Variants in DDX52 observed in about 807,000 individuals in gnomAD.
DDX52 encodes DExD-box helicase 52.
In DDX52, 59 loss-of-function variants were observed where a neutral mutation model predicts 76.1. The ratio of observed to expected loss-of-function variants is 0.78; its 90% CI spans 0.63 to 0.96. The LOEUF (loss-of-function observed/expected upper bound fraction) is 0.96. Among genes scored for constraint, DDX52 ranks in the 40% least tolerant of loss-of-function variants. The pLI, the probability that DDX52 is intolerant of heterozygous loss-of-function variation, is 0.00. For missense variants in DDX52, 707 were observed against 703.9 expected, an observed-to-expected ratio of 1.00 and a Z score of -0.05; for synonymous variants, 231 against 244.1, an observed-to-expected ratio of 0.95 and a Z score of 0.50.
At chr17:37,626,147 A>C in intron 7 of DDX52, 49 bp from the exon 8 acceptor site, 1 of 1,597,208 alleles carries the variant, frequency 6.3e-7, no homozygotes. Flanking sequence ...AAGATCCAAG[A>C]CACTTCACTA....
Position 37,613,611 on chromosome 17 carries a change from CA to C in DDX52, c.*684del, listed in dbSNP as rs1447738222. 2 of 152,252 alleles carry C rather than the reference CA, an allele frequency of 1.3e-5. No homozygotes were observed. The highest frequency in any genetic ancestry group is 4.8e-5 in the African/African-American group (2 of 41,432). 9.4% of individuals were successfully genotyped at this position (152,252 alleles called of 1,614,324 possible). A position where few individuals can be genotyped will look rare whatever the true frequency, so the allele number is the denominator to read the frequency against. On this transcript the variant is annotated 3_prime_UTR_variant, in exon 15 of 15. Coordinates refer to ENST00000617633, the MANE Select transcript of DDX52 (RefSeq NM_007010.5). ...CCCAGGGAACTGGAATAACCAGCCA[CA>C]AAAGAGGCCTCTCTTTGTTGTGGTT...
chr17:37,624,856 T>C (rs554638698), intron 8 of DDX52, among the ~76,000 whole-genome samples: 1 of 152,252 alleles, frequency 6.6e-6, no homozygotes, highest in South Asian at 2.1e-4. Context: ...ATTAATACTC[T>C]GTAAGATGTT....
chr17:37,615,526 CAAT>C (rs1364188607), intron 14 of DDX52, among the ~76,000 whole-genome samples: 2 of 151,778 alleles, frequency 1.3e-5, no homozygotes, highest in Non-Finnish European at 2.9e-5. Context: ...AAAAATAAAA[CAAT>C]ATTAGCCAGG....
intron 2 of DDX52, among the ~76,000 whole-genome samples, chr17:37,634,410 T>A (rs535333526): frequency 1.3e-5 from 2 of 151,842 alleles, no homozygotes; most frequent in African/African-American, 4.8e-5. Context: ...GGTGGGTGGA[T>A]CACCTGAGGT....
In DDX52 at chr17:37,614,346, C is replaced by A. The variant is rs202139121; in HGVS notation, c.1750G>T (p.Val584Phe). ...TTCTTCTTGCTGTTCTGACCAGTGACCTTTTTCCTGTAAAGAGCAAAGTAA... is the reference window on the plus strand; with the variant it reads ...TTCTTCTTGCTGTTCTGACCAGTGAACTTTTTCCTGTAAAGAGCAAAGTAA... ...LEKAKDKQKK[V>F]TGQNSKKKVA... The change falls in exon 15 of 15, where the codon GTC becomes TTC. Residue 584 changes from valine (V) to phenylalanine (F), a missense_variant. Coordinates refer to ENST00000617633, the MANE Select transcript of DDX52 (RefSeq NM_007010.5). 6.2e-7 allele frequency: 1 copy of A among 1,610,372 alleles called. No homozygotes were observed. The highest frequency in any genetic ancestry group is 1.3e-5 in the African/African-American group (1 of 74,826).
rs2029981426 is a variant in DDX52, at chr17:37,619,748, A to T, written c.1649+20T>A. 1 of 1,596,656 alleles carries T rather than the reference A, an allele frequency of 6.3e-7. No homozygotes were observed. Among genetic ancestry groups the T allele is most frequent in the African/African-American group, 1.4e-5 (1 of 73,608 alleles). The stretch of plus-strand genomic sequence containing the variant: ...TATACAAAGAGACAGACAAAGATAC[A>T]GGTAAATTCAAGATTGTACCTTAGT... On this transcript the variant is annotated intron_variant, in intron 13 of 14. Transcript: ENST00000617633.
rs1248887510 is a variant in DDX52, at chr17:37,611,759, A to G, written c.*2537T>C. 6.8e-6 allele frequency: 1 copy of G among 146,742 alleles called. No individual in the cohort carries two copies. The highest frequency in any genetic ancestry group is 2.0e-4 in the East Asian group (1 of 5,078). 9.1% of individuals were successfully genotyped at this position (146,742 alleles called of 1,614,324 possible). A position where few individuals can be genotyped will look rare whatever the true frequency, so the allele number is the denominator to read the frequency against. On this transcript the variant is annotated 3_prime_UTR_variant, in exon 15 of 15. Transcript: ENST00000617633. ...CAAAAAAAAAAAAAAAAAAAAATCT[A>G]AAAAACCCAACTGGACAACAAGCAA...
chr17:37,618,847 C>T (rs568734366), intron 13 of DDX52, among the ~76,000 whole-genome samples: 36 of 152,230 alleles, frequency 2.4e-4, no homozygotes, highest in Middle Eastern at 3.4e-3. Context: ...CTTTAATAAA[C>T]GAGATCGCCT....
At chr17:37,628,464 T>C in intron 6 of DDX52, 97 bp downstream of exon 6, 1 of 1,027,840 alleles carries the variant, frequency 9.7e-7, no homozygotes, top group African/African-American at 1.6e-5. Context: ...TATACATACA[T>C]GACTATACTT....
intron 2 of DDX52, among the ~76,000 whole-genome samples, chr17:37,634,268 G>A (rs775745407): frequency 5.3e-5 from 8 of 151,614 alleles, no homozygotes; most frequent in Non-Finnish European, 8.8e-5. Context: ...ATTTCAATAA[G>A]GCAGCCACGT....
chr17:37,620,782 AG>A, intron 12 of DDX52, 90 bp downstream of exon 12: 1 of 1,265,056 alleles, frequency 7.9e-7, no homozygotes. Flanking sequence ...TTTGGGACAT[AG>A]CCATTTTGTA....
At chr17:37,621,852 TTAAAA>T (rs1568600501) in intron 9 of DDX52, among the ~76,000 whole-genome samples, 1 of 152,248 alleles carries the variant, frequency 6.6e-6, no homozygotes, top group African/African-American at 2.4e-5. Context: ...TTTATTCTGC[TTAAAA>T]TGAAATAATT....
chr17:37,641,998 T>C, intron 2 of DDX52, 112 bp downstream of exon 2: 1 of 1,297,340 alleles, frequency 7.7e-7, no homozygotes, highest in Non-Finnish European at 1.1e-6. Context: ...ACAACCTGAG[T>C]GCCATCAGCT....
At chr17:37,625,435 T>C (rs955056983) in intron 8 of DDX52, among the ~76,000 whole-genome samples, 4 of 152,230 alleles carry the variant, frequency 2.6e-5, no homozygotes, top group Non-Finnish European at 4.4e-5. Context: ...AGGGGTTACA[T>C]AATAATCCAT....
intron 2 of DDX52, among the ~76,000 whole-genome samples, chr17:37,638,770 CTTT>C (rs920881727): frequency 6.1e-5 from 7 of 114,782 alleles, no homozygotes; most frequent in Admixed American, 1.8e-4. Context: ...TGTTTTTTTT[CTTT>C]TTTTTTTTTT....
chr17:37,633,311 A>G lies in DDX52; in HGVS notation c.394T>C (p.Leu132=), dbSNP rs770329517. 5.6e-6 allele frequency: 9 copies of G among 1,606,268 alleles called. No individual in the cohort carries two copies. The South Asian group carries it at 9.0e-5, about 16-fold the overall frequency. The change falls in exon 3 of 15, where the codon TTG becomes CTG. Residue 132 remains leucine (L), a synonymous_variant. Coordinates refer to ENST00000617633, the MANE Select transcript of DDX52 (RefSeq NM_007010.5). ...ACCTTTTCTTTTCTGAGATTCTCCA[A>G]CTTTCCGGAAGTTAGTTTACTTTCT... ...QRESKLTSGK[L]ENLRKEKINF... is the part of the protein sequence containing the mutation.
chr17:37,634,982 G>C (rs1351090786), intron 2 of DDX52, among the ~76,000 whole-genome samples: 1 of 151,786 alleles, frequency 6.6e-6, no homozygotes, highest in Admixed American at 6.6e-5. Flanking sequence ...TGTATTTTTA[G>C]TAGAGACGGG....
At position 37,619,943 on chromosome 17, in the gene DDX52, T is replaced by C. The variant is rs996895505; in HGVS notation, c.1578-104A>G. 2.3e-5 allele frequency: 25 copies of C among 1,082,010 alleles called. No homozygotes were observed. The African/African-American group carries it at 3.5e-4, about 15-fold the overall frequency. The allele number at this position is 1,082,010 out of a possible 1,614,324, so 67.0% of individuals were successfully genotyped here. ...TACAGGGAACTAAAACTACACAAAGTAATCCACAAAGTGTTCTGATATATT... is the reference window on the plus strand; with the variant it reads ...TACAGGGAACTAAAACTACACAAAGCAATCCACAAAGTGTTCTGATATATT... On this transcript the variant is annotated intron_variant, in intron 12 of 14. Coordinates refer to ENST00000617633, the MANE Select transcript of DDX52 (RefSeq NM_007010.5).
chr17:37,618,044 G>A (rs983962626), intron 14 of DDX52, among the ~76,000 whole-genome samples: 1 of 152,160 alleles, frequency 6.6e-6, no homozygotes, highest in Non-Finnish European at 1.5e-5. Context: ...GAACCCGGGA[G>A]GCAGAGGTTG....
Sources: allele counts gnomAD v4.1 joint callset (sites outside exome capture counted in the v4.1 genomes callset), GRCh38; gene constraint gnomAD v4.1.1; transcripts MANE v1.5; gene names NCBI Gene and HGNC (gene_info 2026-07-23, HGNC 2026-07-21).